The following PPP2R3B variants were observed in gnomAD, a reference collection of about 807,000 sequenced individuals.
PPP2R3B encodes the protein serine/threonine-protein phosphatase 2A regulatory subunit B'' subunit beta.
In PPP2R3B, 68 loss-of-function variants were observed where a neutral mutation model predicts 72.9. The ratio of observed to expected loss-of-function variants is 0.93; its 90% confidence interval spans 0.77 to 1.14. The LOEUF is 1.14. Ranked by LOEUF, PPP2R3B falls within the 50% of genes most tolerant of loss-of-function variation. The probability of loss-of-function intolerance (pLI) is 0.00; values close to 1 mark genes in which losing one functional copy is unlikely to be tolerated. For missense variants in PPP2R3B, 1,018 were observed against 842.0 expected (o/e 1.21, Z -2.59); for synonymous variants, 466 against 375.8 (o/e 1.24, Z -2.78).
chrX:358,846 AGAAGCACCGTGGGGAT>A (rs2071486872), intron 2 of PPP2R3B, among the ~76,000 whole-genome samples: 1 of 134,758 alleles, frequency 7.4e-6, no homozygotes, highest in South Asian at 2.4e-4. Context: ...GCCGTTGGGG[AGAAGCACCGTGGGGAT>A]GAAGCACCGC....
intron 1 of PPP2R3B, among the ~76,000 whole-genome samples, chrX:366,920 T>C (rs372258271): frequency 0.17 from 18,514 of 111,394 alleles, 131 homozygotes; most frequent in South Asian, 0.27. Flanking sequence ...CCCAGCTACT[T>C]GAGAGGCTGA....
chrX:386,788 G>T lies in PPP2R3B; in HGVS notation c.-97C>A, dbSNP rs1166871744. ...GGACCGACCTCGGTGATGCGAGCACGGCCCGCTGAGGGGGCGCGGCGCAGG... is the reference window on the plus strand; with the variant it reads ...GGACCGACCTCGGTGATGCGAGCACTGCCCGCTGAGGGGGCGCGGCGCAGG... On this transcript the variant is annotated 5_prime_UTR_variant, in exon 1 of 13. Transcript: ENST00000390665. 2.9e-6 allele frequency: 2 copies of T among 700,358 alleles called. No homozygotes were observed. The highest frequency in any genetic ancestry group is 3.8e-6 in the Non-Finnish European group (2 of 529,238). 43.4% of individuals were successfully genotyped at this position (700,358 alleles called of 1,614,324 possible). A position where few individuals can be genotyped will look rare whatever the true frequency, so the allele number is the denominator to read the frequency against.
At chrX:342,001 C>T (rs1321921786) in intron 7 of PPP2R3B, 70 bp from the exon 8 acceptor site, 7 of 1,587,790 alleles carry the variant, frequency 4.4e-6, no homozygotes, top group Admixed American at 3.3e-5. Context: ...CCCCCGGAGC[C>T]GAGACTGGAT....
Position 334,272 on chromosome X carries a change from CGCACTCATTTTCCACAACAGTTTTT to C in PPP2R3B, c.*70_*94del. The C allele has an allele frequency of 7.7e-7, 1 of 1,304,992 alleles. No homozygotes were observed. Among genetic ancestry groups the C allele is most frequent in the Non-Finnish European group, 1.0e-6 (1 of 993,608 alleles). The allele number at this position is 1,304,992 out of a possible 1,614,324, so 80.8% of individuals were successfully genotyped here. On this transcript the variant is annotated 3_prime_UTR_variant, in exon 13 of 13. Transcript: ENST00000390665. ...ATAAAAGTTTATCATTCCGTACAAA[CGCACTCATTTTCCACAACAGTTTTT>C]ACACGAGCCGCGGTGGCCCGGTGGT...
At chrX:364,084 C>T (rs573550827) in intron 1 of PPP2R3B, among the ~76,000 whole-genome samples, 335 of 152,354 alleles carry the variant, frequency 2.2e-3, no homozygotes, top group African/African-American at 7.3e-3. Context: ...CCTTCAGAAG[C>T]GTGGGCCGAG....
At chrX:359,350 G>A in intron 2 of PPP2R3B, among the ~76,000 whole-genome samples, 1 of 152,354 alleles carries the variant, frequency 6.6e-6, no homozygotes, top group Non-Finnish European at 1.5e-5. Context: ...GAGTGAGTCT[G>A]CCAGGGCACG....
At chrX:341,734 G>T in intron 8 of PPP2R3B, 149 bp downstream of exon 8, 1 of 880,954 alleles carries the variant, frequency 1.1e-6, no homozygotes, top group South Asian at 1.4e-5. Flanking sequence ...GGATTCACGT[G>T]ACAGAGACAC....
chrX:380,706 A>C (rs991507602), intron 1 of PPP2R3B, among the ~76,000 whole-genome samples: 3 of 148,932 alleles, frequency 2.0e-5, no homozygotes, highest in African/African-American at 7.4e-5. Flanking sequence ...ACTCACTTGA[A>C]CTGCAGGAGG....
rs73613863 is a variant in PPP2R3B, at chrX:338,967, C to T, written c.1352-71G>A. 6,044 of 1,274,450 alleles carry T rather than the reference C, an allele frequency of 4.7e-3. 230 individuals are homozygous for T. In the African/African-American group the frequency reaches 0.076, roughly 16 times the overall value. The allele number at this position is 1,274,450 out of a possible 1,614,324, so 78.9% of individuals were successfully genotyped here. A position where few individuals can be genotyped will look rare whatever the true frequency, so the allele number is the denominator to read the frequency against. On this transcript the variant is annotated intron_variant, in intron 10 of 12. Coordinates refer to ENST00000390665, the MANE Select transcript of PPP2R3B (RefSeq NM_013239.5). The stretch of plus-strand genomic sequence containing the variant: ...CTTCGGGGCCTGGGTGTGGGGTGCG[C>T]GCGTCCTGTCACACGTGCTTAAGGA...
chrX:346,258 G>A lies in PPP2R3B; in HGVS notation c.795C>T (p.Val265=). 6.4e-7 allele frequency: 1 copy of A among 1,565,544 alleles called. No individual in the cohort carries two copies. The highest frequency in any genetic ancestry group is 8.6e-7 in the Non-Finnish European group (1 of 1,156,918). ...SEFHSRYITT[V]IQRIFYAVNR... Reference sequence around the variant, plus strand: ...TCACGGCGTAGAAGATCCGCTGGATGACCTGCGGGGGCGCTGTCAGTGCGG... The same window carrying A: ...TCACGGCGTAGAAGATCCGCTGGATAACCTGCGGGGGCGCTGTCAGTGCGG... The change falls in exon 6 of 13, where the codon GTC becomes GTT. Residue 265 remains valine, a splice_region_variant and synonymous_variant. Coordinates refer to ENST00000390665, the MANE Select transcript of PPP2R3B (RefSeq NM_013239.5).
chrX:383,837 CAAAAAAAAAAAAAAAA>C (rs757960788), intron 1 of PPP2R3B, among the ~76,000 whole-genome samples: 25 of 45,624 alleles, frequency 5.5e-4, no homozygotes, highest in African/African-American at 1.5e-3. Flanking sequence ...GACTCCGTCT[CAAAAAAAAAAAAAAAA>C]AAAAAAAAAA....
chrX:345,548 T>G lies in PPP2R3B; in HGVS notation c.1004A>C (p.Asp335Ala). ...ELDTDHDLLI[D>A]ADDLARHNDH... ...ATTGTGCCGCGCCAGGTCGTCCGCG[T>G]CGATGAGCAGGTCGTGGTCCGTGTC... Residue 335 changes from aspartate to alanine, a missense_variant, in exon 7 of 13, where the codon GAC (aspartate) becomes GCC (alanine). Asp to Ala is a moderately radical substitution (Grantham distance 126, BLOSUM62 -2). Coordinates refer to ENST00000390665, the MANE Select transcript of PPP2R3B (RefSeq NM_013239.5). The G allele has an allele frequency of 6.2e-7, 1 of 1,612,932 alleles. No individual in the cohort carries two copies. The highest frequency in any genetic ancestry group is 8.5e-7 in the Non-Finnish European group (1 of 1,179,436).
At chrX:367,672 G>C (rs1431402576) in intron 1 of PPP2R3B, among the ~76,000 whole-genome samples, 1 of 152,220 alleles carries the variant, frequency 6.6e-6, no homozygotes, top group Non-Finnish European at 1.5e-5. Context: ...TGCAGGATGA[G>C]ACGGTCACAG....
At chrX:356,199 G>A (rs1331363634) in intron 2 of PPP2R3B, among the ~76,000 whole-genome samples, 1 of 152,214 alleles carries the variant, frequency 6.6e-6, no homozygotes, top group African/African-American at 2.4e-5. Context: ...GGCCACCCCG[G>A]AAGCAGGGTT....
At chrX:338,377 C>A (rs763510267) in intron 12 of PPP2R3B, 2 of 607,548 alleles carry the variant, frequency 3.3e-6, no homozygotes, top group Admixed American at 5.6e-5. Context: ...GAACCCCACG[C>A]GGGGAATGAC....
rs2071266852 is a variant in PPP2R3B at position 348,370 on chromosome X, G to A, written c.511-677C>T. Among the ~76,000 whole-genome samples the A allele has an allele frequency of 2.0e-5, 3 of 152,246 alleles. No homozygotes were observed. In the South Asian group the frequency reaches 6.2e-4, roughly 32 times the overall value. ...GGGGGTGGATCACCTGAGGTCAGGAGTTCGAGACCAGCCTGGCCAACATGG... is the reference window on the plus strand; with the variant it reads ...GGGGGTGGATCACCTGAGGTCAGGAATTCGAGACCAGCCTGGCCAACATGG... On this transcript the variant is annotated intron_variant, in intron 2 of 12. Transcript: ENST00000390665.
intron 1 of PPP2R3B, among the ~76,000 whole-genome samples, chrX:374,311 G>A (rs1006546175): frequency 3.4e-4 from 52 of 152,176 alleles, no homozygotes; most frequent in Admixed American, 3.3e-3. Context: ...CACGCCAGGT[G>A]CAGCTGCGCC....
chrX:363,611 A>G lies in PPP2R3B; in HGVS notation c.325-2021T>C, dbSNP rs1569404134. On this transcript the variant is annotated intron_variant, in intron 1 of 12. Transcript: ENST00000390665. The stretch of plus-strand genomic sequence containing the variant: ...TGCATCTCCCCGTGCCCGCAATCCC[A>G]CAATGCATCTCCCCGAGCCCACCAT... 2.6e-3 allele frequency among the ~76,000 whole-genome samples: 265 copies of G among 103,662 alleles called. 13 individuals carry two copies. Among genetic ancestry groups the G allele is most frequent in the South Asian group, 2.8e-3 (9 of 3,166 alleles). The allele number at this position is 103,662 out of a possible 152,430, so 68.0% of individuals were successfully genotyped here. A position where few individuals can be genotyped will look rare whatever the true frequency, so the allele number is the denominator to read the frequency against.
Position 338,597 on chromosome X carries a change from C to A in PPP2R3B, c.1577+7G>T. On this transcript the variant is annotated splice_region_variant and intron_variant, in intron 12 of 12. Coordinates refer to ENST00000390665, the MANE Select transcript of PPP2R3B (RefSeq NM_013239.5). ...CGTCCCCCCACTCACCCGTCCTCCC[C>A]ACTCACCCGTCCTCCCAGGGCTCTC... is the stretch of plus-strand genomic sequence containing the variant. 1 of 1,598,250 alleles carries A rather than the reference C, an allele frequency of 6.3e-7. No individual in the cohort carries two copies. Among genetic ancestry groups the A allele is most frequent in the Non-Finnish European group, 8.5e-7 (1 of 1,173,748 alleles).
Sources: gnomAD v4.1 joint callset for allele counts (sites outside exome capture counted in the v4.1 genomes callset) on GRCh38, gnomAD v4.1.1 for gene constraint, MANE v1.5 for transcripts, NCBI Gene and HGNC (gene_info 2026-07-23, HGNC 2026-07-21) for gene names.